Variants in TMEM163 observed in about 807,000 individuals in gnomAD.
TMEM163 encodes transmembrane protein 163.
TMEM163 carries 17 observed loss-of-function variants against 29.3 expected under a neutral mutation model. The ratio of observed to expected loss-of-function variants is 0.58; its 90% CI spans 0.40 to 0.87. TMEM163 has a LOEUF of 0.87. Among genes scored for constraint, TMEM163 ranks in the 40% least tolerant of loss-of-function variants. The probability of loss-of-function intolerance (pLI) is 0.00; values close to 1 mark genes in which losing one functional copy is unlikely to be tolerated. For synonymous variants in TMEM163, 157 were observed against 160.6 expected (o/e 0.98, Z 0.17); for missense variants, 303 against 381.5 (o/e 0.79, Z 1.71).
intron 2 of TMEM163, among the ~76,000 whole-genome samples, chr2:134,647,255 T>TA (rs1023961592): frequency 6.6e-6 from 1 of 152,164 alleles, no homozygotes; most frequent in African/African-American, 2.4e-5. Flanking sequence ...TAGTAAACAT[T>TA]AAAAAGAAAA....
At position 134,527,226 on chromosome 2, in the gene TMEM163, A is replaced by C. The variant is rs148486663; in HGVS notation, c.458+23344T>G. Among the ~76,000 whole-genome samples the C allele has an allele frequency of 5.9e-3, 892 of 152,304 alleles. 10 individuals are homozygous for C. Among genetic ancestry groups the C allele is most frequent in the African/African-American group, 0.021 (858 of 41,552 alleles). On this transcript the variant is annotated intron_variant, in intron 4 of 7. Coordinates refer to ENST00000281924, the MANE Select transcript of TMEM163 (RefSeq NM_030923.5). ...CTTTCACTTGCCCTGACCCCTCTGC[A>C]AATCTATACAGTGTACATGCTTACA... is the stretch of plus-strand genomic sequence containing the variant.
At chr2:134,668,349 C>A (rs550800111) in intron 2 of TMEM163, among the ~76,000 whole-genome samples, 8 of 152,046 alleles carry the variant, frequency 5.3e-5, no homozygotes, top group Admixed American at 5.2e-4. Context: ...AGGGGAAGGA[C>A]GGCAGTGGCA....
chr2:134,470,702 C>T lies in TMEM163; in HGVS notation c.556-4477G>A, dbSNP rs115731766. 7.0e-3 allele frequency among the ~76,000 whole-genome samples: 1,060 copies of T among 152,312 alleles called. 13 individuals carry two copies. Among genetic ancestry groups the T allele is most frequent in the African/African-American group, 0.024 (989 of 41,574 alleles). On this transcript the variant is annotated intron_variant, in intron 5 of 7. Transcript: ENST00000281924. ...CAAGGAGGATCCAGGCTGGCACAGA[C>T]CTGCCAAAGCTCCTCTCCCAAAACC...
intron 4 of TMEM163, among the ~76,000 whole-genome samples, chr2:134,547,738 T>C (rs1470300862): frequency 2.0e-5 from 3 of 152,234 alleles, no homozygotes; most frequent in African/African-American, 7.2e-5. Flanking sequence ...GGCATTGGCA[T>C]TGTCACGTGA....
chr2:134,461,058 C>T (rs1455959161), intron 6 of TMEM163, among the ~76,000 whole-genome samples: 1 of 152,198 alleles, frequency 6.6e-6, no homozygotes, highest in African/African-American at 2.4e-5. Context: ...CATGAAGAGC[C>T]CTGAGCCCCC....
intron 2 of TMEM163, among the ~76,000 whole-genome samples, chr2:134,557,032 T>C (rs1681062858): frequency 6.6e-6 from 1 of 152,168 alleles, no homozygotes. Context: ...AGGGGACATT[T>C]AAGCAAAGAC....
chr2:134,572,715 G>A (rs748384124), intron 2 of TMEM163, among the ~76,000 whole-genome samples: 6 of 152,152 alleles, frequency 3.9e-5, no homozygotes, highest in Admixed American at 6.5e-5. Flanking sequence ...TACCAAGCCA[G>A]ACTCTCAGAA....
In TMEM163 at chr2:134,626,050, C is replaced by T. The variant is rs79858340; in HGVS notation, c.323-73959G>A. Reference sequence around the variant, plus strand: ...TCAAGACATTGGCAAGGCTACATGTCACCTGGAGGCTCTGGGGAGAATCTG... The same window carrying T: ...TCAAGACATTGGCAAGGCTACATGTTACCTGGAGGCTCTGGGGAGAATCTG... On this transcript the variant is annotated intron_variant, in intron 2 of 7. Transcript: ENST00000281924. Among the ~76,000 whole-genome samples, 739 of 148,366 alleles carry T rather than the reference C, an allele frequency of 5.0e-3. 8 individuals are homozygous for T. The highest frequency in any genetic ancestry group is 0.017 in the African/African-American group (708 of 40,518).
chr2:134,634,236 G>A (rs1683053547), intron 2 of TMEM163, among the ~76,000 whole-genome samples: 1 of 152,002 alleles, frequency 6.6e-6, no homozygotes, highest in Non-Finnish European at 1.5e-5. Flanking sequence ...GCACAGCAGA[G>A]GAGGAAATGG....
At chr2:134,551,014 C>T (rs745510203) in intron 3 of TMEM163, among the ~76,000 whole-genome samples, 14 of 152,138 alleles carry the variant, frequency 9.2e-5, no homozygotes, top group African/African-American at 2.2e-4. Flanking sequence ...ATAAGAGATT[C>T]GGGTGAGAAT....
chr2:134,684,380 C>A (rs1220822671), intron 2 of TMEM163, among the ~76,000 whole-genome samples: 1 of 152,048 alleles, frequency 6.6e-6, no homozygotes, highest in Admixed American at 6.6e-5. Context: ...GGCAGCAGTG[C>A]TGTGGGATGG....
At chr2:134,670,958 G>T (rs570325424) in intron 2 of TMEM163, among the ~76,000 whole-genome samples, 1 of 152,332 alleles carries the variant, frequency 6.6e-6, no homozygotes, top group East Asian at 1.9e-4. Context: ...CCTATCAGCT[G>T]CTGGGTCTTC....
Position 134,570,148 on chromosome 2 carries a change from G to T in TMEM163, c.323-18057C>A, listed in dbSNP as rs188730272. 2.6e-3 allele frequency among the ~76,000 whole-genome samples: 388 copies of T among 151,880 alleles called. 2 individuals carry two copies. The highest frequency in any genetic ancestry group is 2.9e-3 in the Non-Finnish European group (200 of 67,960). ...TCCTTTAAGTGAAAAGGTGAAAGTT[G>T]TTAATAAGGAAAGAAAAAAAAAATC... On this transcript the variant is annotated intron_variant, in intron 2 of 7. Coordinates refer to ENST00000281924, the MANE Select transcript of TMEM163 (RefSeq NM_030923.5).
chr2:134,658,078 G>A (rs575476971), intron 2 of TMEM163, among the ~76,000 whole-genome samples: 6 of 152,204 alleles, frequency 3.9e-5, no homozygotes, highest in Non-Finnish European at 7.4e-5. Flanking sequence ...AATGAGTATC[G>A]ACTATTTTAT....
chr2:134,679,355 G>A (rs557341893), intron 2 of TMEM163, among the ~76,000 whole-genome samples: 32 of 152,294 alleles, frequency 2.1e-4, no homozygotes, highest in African/African-American at 6.3e-4. Context: ...ACTCATGCAC[G>A]TTACATCATG....
intron 2 of TMEM163, among the ~76,000 whole-genome samples, chr2:134,643,523 G>A (rs1683266059): frequency 6.6e-6 from 1 of 151,888 alleles, no homozygotes; most frequent in Admixed American, 6.6e-5. Flanking sequence ...ACCAAAGAAA[G>A]TATAAAAAGA....
intron 4 of TMEM163, among the ~76,000 whole-genome samples, chr2:134,529,633 G>T (rs1680377028): frequency 6.6e-6 from 1 of 151,460 alleles, no homozygotes; most frequent in South Asian, 2.1e-4. Context: ...CACACCTGTA[G>T]TCCCAGCTAC....
chr2:134,520,756 T>C (rs912375063), intron 4 of TMEM163, among the ~76,000 whole-genome samples: 8 of 152,210 alleles, frequency 5.3e-5, no homozygotes, highest in African/African-American at 1.9e-4. Flanking sequence ...AACTCATCTT[T>C]AGAATGAGAT....
chr2:134,605,180 C>CAA (rs754781954), intron 2 of TMEM163, among the ~76,000 whole-genome samples: 15 of 105,202 alleles, frequency 1.4e-4, no homozygotes, highest in African/African-American at 2.8e-4. Flanking sequence ...TGGTCTCCAG[C>CAA]AAAAAAAAAA....
Sources: gnomAD v4.1 joint callset for allele counts (sites outside exome capture counted in the v4.1 genomes callset) on GRCh38, gnomAD v4.1.1 for gene constraint, MANE v1.5 for transcripts, NCBI Gene and HGNC (gene_info 2026-07-23, HGNC 2026-07-21) for gene names.